GRM1: variants seen among roughly 807,000 people sequenced by gnomAD.
GRM1 encodes glutamate metabotropic receptor 1.
Under a neutral mutation model 90.9 loss-of-function variants are expected in GRM1, and 33 were observed. The ratio of observed to expected loss-of-function variants is 0.36; its 90% CI spans 0.28 to 0.49. GRM1 has a LOEUF of 0.49. Ranked by LOEUF, GRM1 falls within the 20% of genes least tolerant of loss-of-function variation. GRM1 has a pLI of 0.99. For synonymous variants in GRM1, 700 were observed against 613.2 expected (o/e 1.14, Z -2.09); for missense variants, 1,190 against 1,534.3 (o/e 0.78, Z 3.75).
At chr6:146,418,597 A>G (rs138973620) in intron 7 of GRM1, among the ~76,000 whole-genome samples, 1,950 of 151,828 alleles carry the variant, frequency 0.013, 47 homozygotes, top group African/African-American at 0.045. Flanking sequence ...GGATATTATG[A>G]CATTCAATAT....
intron 1 of GRM1, among the ~76,000 whole-genome samples, chr6:146,125,644 C>A (rs191193133): frequency 6.6e-6 from 1 of 151,932 alleles, no homozygotes; most frequent in Non-Finnish European, 1.5e-5. Context: ...AATCATTTTG[C>A]GTTTATCACA....
chr6:146,384,747 T>C (rs536594994), intron 5 of GRM1, among the ~76,000 whole-genome samples: 1 of 151,604 alleles, frequency 6.6e-6, no homozygotes, highest in South Asian at 2.1e-4. Flanking sequence ...GATAAATACG[T>C]GCTAAAAGAT....
intron 1 of GRM1, among the ~76,000 whole-genome samples, chr6:146,114,304 G>A (rs1202835871): frequency 6.6e-6 from 1 of 152,138 alleles, no homozygotes; most frequent in Non-Finnish European, 1.5e-5. Flanking sequence ...TTTGAAGATG[G>A]TATTCTTGTA....
intron 2 of GRM1, among the ~76,000 whole-genome samples, chr6:146,279,992 C>G (rs1477512831): frequency 2.6e-5 from 4 of 151,854 alleles, no homozygotes; most frequent in Non-Finnish European, 5.9e-5. Context: ...TGTATTTATC[C>G]TGCTAGGATT....
intron 3 of GRM1, among the ~76,000 whole-genome samples, chr6:146,312,762 T>A (rs1166213625): frequency 1.3e-5 from 2 of 152,338 alleles, no homozygotes; most frequent in East Asian, 3.9e-4. Flanking sequence ...TTGAGACTGA[T>A]CAACTTGTTG....
intron 1 of GRM1, among the ~76,000 whole-genome samples, chr6:146,125,464 C>G (rs1408462421): frequency 6.9e-6 from 1 of 143,918 alleles, no homozygotes; most frequent in Admixed American, 6.8e-5. Context: ...TCTTTCTCTG[C>G]CCCCCCCTCA....
At chr6:146,229,776 C>G (rs1183048464) in intron 2 of GRM1, among the ~76,000 whole-genome samples, 2 of 152,112 alleles carry the variant, frequency 1.3e-5, no homozygotes, top group Non-Finnish European at 2.9e-5. Context: ...ATAAAAATAA[C>G]TATCATGTAC....
chr6:146,183,903 C>T (rs1225974075), intron 2 of GRM1, among the ~76,000 whole-genome samples: 1 of 152,072 alleles, frequency 6.6e-6, no homozygotes, highest in African/African-American at 2.4e-5. Flanking sequence ...GATAGGAACA[C>T]AGCTGAAAAC....
chr6:146,372,989 A>C (rs536082255), intron 5 of GRM1, among the ~76,000 whole-genome samples: 17 of 151,970 alleles, frequency 1.1e-4, no homozygotes, highest in Non-Finnish European at 2.4e-4. Context: ...AGTTTTTTCT[A>C]TTTCTATGAA....
chr6:146,030,370 A>G (rs1427200077), intron 1 of GRM1, among the ~76,000 whole-genome samples, 153 bp downstream of exon 1: 2 of 152,190 alleles, frequency 1.3e-5, no homozygotes, highest in Non-Finnish European at 2.9e-5. Flanking sequence ...ATTGCCTTTT[A>G]TCCTCATTTC....
chr6:146,240,255 C>A lies in GRM1; in HGVS notation c.951-64356C>A, dbSNP rs530907289. Among the ~76,000 whole-genome samples, 3 of 152,056 alleles carry A rather than the reference C, an allele frequency of 2.0e-5. No individual in the cohort carries two copies. The South Asian group carries it at 6.2e-4, about 32-fold the overall frequency. ...GACGTTTTGACTGGAAAGGAGCAAGCATTAATCATATCTGTCAGGATCCCT... is the reference window on the plus strand; with the variant it reads ...GACGTTTTGACTGGAAAGGAGCAAGAATTAATCATATCTGTCAGGATCCCT... On this transcript the variant is annotated intron_variant, in intron 2 of 7. Coordinates refer to ENST00000282753, the MANE Select transcript of GRM1 (RefSeq NM_001278064.2).
intron 1 of GRM1, among the ~76,000 whole-genome samples, chr6:146,051,559 C>G (rs1032680799): frequency 6.6e-6 from 1 of 152,016 alleles, no homozygotes; most frequent in Non-Finnish European, 1.5e-5. Context: ...TTAATATGCT[C>G]CTGTTAAAAG....
intron 5 of GRM1, among the ~76,000 whole-genome samples, chr6:146,380,767 G>A (rs1278656337): frequency 6.6e-6 from 1 of 152,102 alleles, no homozygotes; most frequent in Non-Finnish European, 1.5e-5. Flanking sequence ...CTCGCTCAAG[G>A]CCCTCAATGT....
At chr6:146,328,115 CA>C (rs1441721620) in intron 3 of GRM1, among the ~76,000 whole-genome samples, 1 of 152,082 alleles carries the variant, frequency 6.6e-6, no homozygotes, top group Non-Finnish European at 1.5e-5. Context: ...GCACGGTTGC[CA>C]AAAGTTTGAA....
chr6:146,206,309 C>T (rs1270077553), intron 2 of GRM1, among the ~76,000 whole-genome samples: 1 of 152,086 alleles, frequency 6.6e-6, no homozygotes, highest in Non-Finnish European at 1.5e-5. Context: ...CCAGATCATC[C>T]CCACTTCTAG....
intron 2 of GRM1, among the ~76,000 whole-genome samples, chr6:146,198,809 A>C (rs1197041081): frequency 6.6e-6 from 1 of 152,222 alleles, no homozygotes; most frequent in Non-Finnish European, 1.5e-5. Flanking sequence ...GGAAACACTA[A>C]GTCCTTCCTC....
chr6:146,204,452 T>C (rs138415856), intron 2 of GRM1, among the ~76,000 whole-genome samples: 1 of 152,342 alleles, frequency 6.6e-6, no homozygotes, highest in Non-Finnish European at 1.5e-5. Context: ...TTAACTGTGC[T>C]TAAAATTATT....
intron 2 of GRM1, among the ~76,000 whole-genome samples, chr6:146,216,138 A>ATT (rs1779864305): frequency 6.6e-6 from 1 of 152,180 alleles, no homozygotes; most frequent in Admixed American, 6.6e-5. Flanking sequence ...TATGTATTAG[A>ATT]TTATATATAT....
intron 5 of GRM1, among the ~76,000 whole-genome samples, chr6:146,380,942 T>A (rs2115123968): frequency 6.6e-6 from 1 of 152,276 alleles, no homozygotes; most frequent in East Asian, 1.9e-4. Context: ...AAACAGGGGC[T>A]TCACAACTCT....
Sources: allele counts gnomAD v4.1 joint callset (sites outside exome capture counted in the v4.1 genomes callset), GRCh38; gene constraint gnomAD v4.1.1; transcripts MANE v1.5; gene names NCBI Gene and HGNC (gene_info 2026-07-23, HGNC 2026-07-21).